ELP4: variants seen among roughly 807,000 people sequenced by gnomAD.
The protein encoded by ELP4 is elongator acetyltransferase complex subunit 4, also known as elongator complex protein 4.
A neutral mutation model predicts 48.9 loss-of-function variants in ELP4; 51 were observed. That is an observed-to-expected ratio of 1.04 (90% CI 0.83 to 1.32). The LOEUF (loss-of-function observed/expected upper bound fraction) is 1.32. Among genes scored for constraint, ELP4 ranks in the 40% most tolerant of loss-of-function variants. The pLI is 0.00. For synonymous variants in ELP4, 210 were observed against 189.2 expected (o/e 1.11, Z -0.90); for missense variants, 519 against 514.6 (o/e 1.01, Z -0.08).
intron 3 of ELP4, among the ~76,000 whole-genome samples, chr11:31,545,233 T>G (rs1956678352): frequency 6.6e-6 from 1 of 152,002 alleles, no homozygotes; most frequent in African/African-American, 2.4e-5. Context: ...TTAAAAACTT[T>G]GAAAAAAATT....
At chr11:31,525,449 T>A (rs866544398) in intron 2 of ELP4, among the ~76,000 whole-genome samples, 1 of 152,156 alleles carries the variant, frequency 6.6e-6, no homozygotes, top group Non-Finnish European at 1.5e-5. Context: ...AACATGCCGA[T>A]ATAAGGAGTA....
chr11:31,724,922 A>G (rs892141382), intron 9 of ELP4, among the ~76,000 whole-genome samples: 2 of 152,140 alleles, frequency 1.3e-5, no homozygotes, highest in African/African-American at 4.8e-5. Context: ...TTTTTTCCCA[A>G]TGCAGACTTC....
chr11:31,751,786 G>A (rs891959346), intron 9 of ELP4, among the ~76,000 whole-genome samples: 6 of 151,976 alleles, frequency 3.9e-5, no homozygotes, highest in African/African-American at 7.3e-5. Context: ...TCAATGCCTG[G>A]TACCTAAAAA....
At chr11:31,742,155 GATGAA>G (rs1424037451) in intron 9 of ELP4, among the ~76,000 whole-genome samples, 1 of 152,190 alleles carries the variant, frequency 6.6e-6, no homozygotes, top group African/African-American at 2.4e-5. Flanking sequence ...AGTGATGGAA[GATGAA>G]ATGAATGAAA....
At chr11:31,678,480 T>C (rs1015670291) in intron 9 of ELP4, among the ~76,000 whole-genome samples, 8 of 146,440 alleles carry the variant, frequency 5.5e-5, no homozygotes, top group African/African-American at 7.5e-5. Flanking sequence ...TATTATTTAT[T>C]GCATACATAT....
chr11:31,612,870 G>C (rs2134015367), intron 5 of ELP4, among the ~76,000 whole-genome samples: 1 of 152,254 alleles, frequency 6.6e-6, no homozygotes, highest in South Asian at 2.1e-4. Context: ...GGATTTGTTT[G>C]TTAGTTTCAT....
At chr11:31,521,360 T>C (rs1956211436) in intron 2 of ELP4, among the ~76,000 whole-genome samples, 1 of 151,934 alleles carries the variant, frequency 6.6e-6, no homozygotes, top group Non-Finnish European at 1.5e-5. Flanking sequence ...CTTTTATACA[T>C]GAGGAAATGA....
Position 31,618,095 on chromosome 11 carries a change from A to T in ELP4, c.654-9015A>T, listed in dbSNP as rs149507589. On this transcript the variant is annotated intron_variant, in intron 5 of 9. Coordinates refer to ENST00000640961, the MANE Select transcript of ELP4 (RefSeq NM_019040.5). ...AAACAACCCAGATGTCCCTCAACTG[A>T]TGAGTGGATAAAAAATGTTATATCC... Among the ~76,000 whole-genome samples, 515 of 152,178 alleles carry T rather than the reference A, an allele frequency of 3.4e-3. 5 individuals are homozygous for T. Among genetic ancestry groups the T allele is most frequent in the African/African-American group, 0.012 (490 of 41,530 alleles).
chr11:31,765,364 A>G (rs972837085), intron 9 of ELP4, among the ~76,000 whole-genome samples: 1 of 152,194 alleles, frequency 6.6e-6, no homozygotes, highest in Non-Finnish European at 1.5e-5. Context: ...ACACTGATAG[A>G]TGATATCAGT....
At chr11:31,675,875 A>G (rs900678758) in intron 9 of ELP4, among the ~76,000 whole-genome samples, 6 of 152,014 alleles carry the variant, frequency 3.9e-5, no homozygotes, top group African/African-American at 1.4e-4. Context: ...AACAGTTTTT[A>G]CCACCTCCAA....
At chr11:31,775,951 T>TA (rs750162952) in intron 9 of ELP4, among the ~76,000 whole-genome samples, 7 of 151,616 alleles carry the variant, frequency 4.6e-5, no homozygotes, top group Non-Finnish European at 1.0e-4. Context: ...GATGACAGAG[T>TA]GAGACTTCGT....
intron 9 of ELP4, chr11:31,651,936 A>T (rs188433828): frequency 1.3e-5 from 2 of 151,700 alleles, no homozygotes; most frequent in Non-Finnish European, 2.9e-5. Flanking sequence ...TAAAGAACTT[A>T]CGTGATGTCA....
intron 3 of ELP4, among the ~76,000 whole-genome samples, chr11:31,569,272 T>G (rs915482483): frequency 6.6e-6 from 1 of 152,100 alleles, no homozygotes; most frequent in Non-Finnish European, 1.5e-5. Context: ...TTAAAGAGCT[T>G]CTGTACCACA....
intron 9 of ELP4, among the ~76,000 whole-genome samples, chr11:31,656,327 A>G (rs757270305): frequency 9.9e-5 from 15 of 152,096 alleles, no homozygotes; most frequent in Non-Finnish European, 2.1e-4. Context: ...TGTTCATTTC[A>G]CATGCTTCCT....
At chr11:31,601,272 T>G (rs891297265) in intron 4 of ELP4, among the ~76,000 whole-genome samples, 2 of 151,372 alleles carry the variant, frequency 1.3e-5, no homozygotes, top group Non-Finnish European at 2.9e-5. Context: ...TAATGTTATA[T>G]GTCTTGAGCA....
chr11:31,755,141 G>A (rs1444876868), intron 9 of ELP4, among the ~76,000 whole-genome samples: 1 of 152,112 alleles, frequency 6.6e-6, no homozygotes, highest in South Asian at 2.1e-4. Context: ...AGCTCCTAAT[G>A]ACCAAAGATA....
chr11:31,563,303 G>C (rs1028151999), intron 3 of ELP4, among the ~76,000 whole-genome samples: 2 of 152,108 alleles, frequency 1.3e-5, no homozygotes, highest in Non-Finnish European at 2.9e-5. Flanking sequence ...GTGAGGTTAA[G>C]CTTCATTAAC....
At chr11:31,516,415 T>G (rs1041129083) in intron 1 of ELP4, among the ~76,000 whole-genome samples, 1 of 152,260 alleles carries the variant, frequency 6.6e-6, no homozygotes, top group Non-Finnish European at 1.5e-5. Context: ...ATATAAGATG[T>G]TCAAATGAAT....
At chr11:31,567,865 T>G (rs1957136972) in intron 3 of ELP4, among the ~76,000 whole-genome samples, 1 of 152,218 alleles carries the variant, frequency 6.6e-6, no homozygotes, top group Non-Finnish European at 1.5e-5. Flanking sequence ...GTAATCTTGT[T>G]GCTGGTATAG....
Sources: gnomAD v4.1 joint callset for allele counts (sites outside exome capture counted in the v4.1 genomes callset) on GRCh38, gnomAD v4.1.1 for gene constraint, MANE v1.5 for transcripts, NCBI Gene and HGNC (gene_info 2026-07-23, HGNC 2026-07-21) for gene names.